Variants in COL3A1 observed in about 807,000 individuals in gnomAD.
COL3A1 encodes collagen type III alpha 1 chain, also known as collagen alpha-1(III) chain.
Under a neutral mutation model 200.9 loss-of-function variants are expected in COL3A1, and 46 were observed. The observed-to-expected ratio is 0.23, with a 90% confidence interval of 0.18 to 0.29. The LOEUF is 0.29. Among genes scored for constraint, COL3A1 ranks in the 10% least tolerant of loss-of-function variants. The pLI is 1.00. For missense variants in COL3A1, 1,367 were observed against 1,917.6 expected, an observed-to-expected ratio of 0.71 and a Z score of 5.36; for synonymous variants, 650 against 628.0, an observed-to-expected ratio of 1.03 and a Z score of -0.52.
intron 32 of COL3A1, among the ~76,000 whole-genome samples, 161 bp from the exon 33 acceptor site, chr2:189,001,236 T>C (rs1402347546): frequency 6.6e-6 from 1 of 152,162 alleles, no homozygotes; most frequent in Non-Finnish European, 1.5e-5. Flanking sequence ...CTCTGCAGTA[T>C]TTACACATTG....
chr2:188,981,953 G>A (rs937784201), intron 1 of COL3A1, among the ~76,000 whole-genome samples: 1 of 151,638 alleles, frequency 6.6e-6, no homozygotes, highest in African/African-American at 2.4e-5. Flanking sequence ...TACAGGAACT[G>A]ACTTCTCAGG....
In COL3A1 at chr2:188,998,557, A is replaced by G. The variant is rs187075569; in HGVS notation, c.1978-117A>G. 5.4e-4 allele frequency: 617 copies of G among 1,136,468 alleles called. 10 individuals carry two copies. In the Middle Eastern group the frequency reaches 6.6e-3, roughly 12 times the overall value. The allele number at this position is 1,136,468 out of a possible 1,614,324, so 70.4% of individuals were successfully genotyped here. A position where few individuals can be genotyped will look rare whatever the true frequency, so the allele number is the denominator to read the frequency against. ...ATTTGAAAAATTATACAGTATGCCA[A>G]CATGACAAATGTGTATTTTGCTTAT... On this transcript the variant is annotated intron_variant, in intron 28 of 50. Coordinates refer to ENST00000304636, the MANE Select transcript of COL3A1 (RefSeq NM_000090.4).
At chr2:188,996,103 A>G in intron 22 of COL3A1, 22 bp from the exon 23 acceptor site, 4 of 1,611,586 alleles carry the variant, frequency 2.5e-6, no homozygotes, top group South Asian at 1.1e-5. Flanking sequence ...AAATCACCTA[A>G]CAACTGACTT....
At chr2:189,008,198 A>G in intron 47 of COL3A1, 56 bp downstream of exon 47, 2 of 1,421,834 alleles carry the variant, frequency 1.4e-6, no homozygotes, top group Non-Finnish European at 9.8e-7. Context: ...TCCAATTTTC[A>G]GAAACACAGC....
intron 5 of COL3A1, 79 bp from the exon 6 acceptor site, chr2:188,988,002 G>A (rs931851166): frequency 6.7e-6 from 7 of 1,050,290 alleles, no homozygotes; most frequent in Admixed American, 5.1e-5. Flanking sequence ...TTAACAATGC[G>A]AGTGTCATTG....
At chr2:188,995,377 G>A (rs1688283176) in intron 21 of COL3A1, among the ~76,000 whole-genome samples, 2 of 152,228 alleles carry the variant, frequency 1.3e-5, no homozygotes, top group African/African-American at 4.8e-5. Flanking sequence ...TGCCTGAAAA[G>A]TCTTTGAAAA....
chr2:188,990,203 T>C, intron 9 of COL3A1, 54 bp downstream of exon 9: 1 of 1,594,724 alleles, frequency 6.3e-7, no homozygotes, highest in Non-Finnish European at 8.6e-7. Context: ...TTGAAAACTA[T>C]TATGTAATTC....
chr2:188,994,847 G>A lies in COL3A1; in HGVS notation c.1455+16G>A. 1 of 1,611,700 alleles carries A rather than the reference G, an allele frequency of 6.2e-7. No individual in the cohort carries two copies. Among genetic ancestry groups the A allele is most frequent in the Non-Finnish European group, 8.5e-7 (1 of 1,179,062 alleles). On this transcript the variant is annotated intron_variant, in intron 20 of 50. Transcript: ENST00000304636. The surrounding 1 kb of genome is among the most constrained non-coding windows in gnomAD (Gnocchi z 4.5). ...AGGAGAAAGGGTACGTTTTCCATGG[G>A]GCATCTAAAAGAAAAGCAGCATCAC...
chr2:188,994,820 G>C lies in COL3A1; in HGVS notation c.1444G>C (p.Ala482Pro), dbSNP rs374532173. ...TGGTGCAAATGGGCTTCCAGGAGCT[G>C]CAGGAGAAAGGGTACGTTTTCCATG... Reference protein sequence around the residue: ...EPGANGLPGAAGERGAPGFRG... With the variant: ...EPGANGLPGAPGERGAPGFRG... The change falls in exon 20 of 51, where the codon GCA becomes CCA. Residue 482 changes from alanine (A) to proline (P), a missense_variant. This residue lies in a region of COL3A1 where 462 missense variants were observed against 681.4 expected (regional missense o/e 0.68). Transcript: ENST00000304636. The surrounding 1 kb of genome is among the most constrained non-coding windows in gnomAD (Gnocchi z 4.5). 4 of 1,613,342 alleles carry C rather than the reference G, an allele frequency of 2.5e-6. No homozygotes were observed. The highest frequency in any genetic ancestry group is 2.7e-5 in the African/African-American group (2 of 74,802).
In COL3A1 at chr2:188,976,665, T is replaced by C. The variant is rs145422036; in HGVS notation, c.79+2097T>C. On this transcript the variant is annotated intron_variant, in intron 1 of 50. Coordinates refer to ENST00000304636, the MANE Select transcript of COL3A1 (RefSeq NM_000090.4). ...AACTTCAGAGACGGCACAGCTCTAA[T>C]GAACACTCACTTCTAGTTCACTCAC... is the stretch of plus-strand genomic sequence containing the variant. Among the ~76,000 whole-genome samples, 397 of 152,282 alleles carry C rather than the reference T, an allele frequency of 2.6e-3. 12 individuals are homozygous for C. In the East Asian group the frequency reaches 0.053, roughly 20 times the overall value.
rs1057521106 is a variant in COL3A1, at chr2:188,991,016, C to T, written c.811C>T (p.Arg271Ter). 3 of 1,612,846 alleles carry T rather than the reference C, an allele frequency of 1.9e-6. No homozygotes were observed. The highest frequency in any genetic ancestry group is 2.5e-6 in the Non-Finnish European group (3 of 1,179,324). Residue 271 changes from arginine (R) to a stop codon, truncating the protein, a stop_gained, in exon 11 of 51, where the codon CGA (arginine) becomes TGA (stop). Transcript: ENST00000304636. LOFTEE classifies it high-confidence loss of function. Reference sequence around the variant, plus strand: ...ATACATTTCCTAGGGCTTCGATGGACGAAATGGAGAAAAGGGTGAAACAGG... The same window carrying T: ...ATACATTTCCTAGGGCTTCGATGGATGAAATGGAGAAAAGGGTGAAACAGG... ...GMKGHRGFDGRNGEKGETGAP... is the reference protein window; with the variant it reads ...GMKGHRGFDG
intron 2 of COL3A1, 62 bp from the exon 3 acceptor site, chr2:188,985,135 G>A (rs1016857089): frequency 6.6e-7 from 1 of 1,520,188 alleles, no homozygotes; most frequent in African/African-American, 1.4e-5. Context: ...GTTAGAATCT[G>A]GGTTACTAAA....
At chr2:189,003,291 C>A in intron 36 of COL3A1, 120 bp from the exon 37 acceptor site, 2 of 863,594 alleles carry the variant, frequency 2.3e-6, no homozygotes, top group South Asian at 1.4e-5. Context: ...AATCTCAGCA[C>A]CAGCAATCTA....
chr2:188,996,133 C>G lies in COL3A1; in HGVS notation c.1617C>G (p.Pro539=), dbSNP rs141091206. 6.2e-7 allele frequency: 1 copy of G among 1,613,352 alleles called. No homozygotes were observed. The highest frequency in any genetic ancestry group is 2.2e-5 in the East Asian group (1 of 44,790). The change falls in exon 23 of 51, where the codon CCC becomes CCG. Residue 539 remains proline, a synonymous_variant. Coordinates refer to ENST00000304636, the MANE Select transcript of COL3A1 (RefSeq NM_000090.4). The part of the protein sequence containing the change: ...VPGGPGMRGM[P]GSPGGPGSDG... ...TGACTTCTTTACTTCAGGGCATGCC[C>G]GGAAGTCCAGGAGGACCAGGAAGTG...
chr2:188,991,901 A>G (rs1050193966), intron 13 of COL3A1, among the ~76,000 whole-genome samples, 179 bp downstream of exon 13: 1 of 152,166 alleles, frequency 6.6e-6, no homozygotes, highest in Non-Finnish European at 1.5e-5. Flanking sequence ...TTGTTTTACA[A>G]TTATTATCTC....
At chr2:189,008,273 A>T in intron 47 of COL3A1, 131 bp downstream of exon 47, 1 of 779,136 alleles carries the variant, frequency 1.3e-6, no homozygotes, top group South Asian at 1.5e-5. Flanking sequence ...CTGAACAATG[A>T]CTTTAAGACA....
At position 189,009,190 on chromosome 2, in the gene COL3A1, C is replaced by A. The variant is rs750043526; in HGVS notation, c.3792C>A (p.Asp1264Glu). 6.2e-7 allele frequency: 1 copy of A among 1,614,168 alleles called. No individual in the cohort carries two copies. Residue 1264 changes from aspartate to glutamate, a missense_variant, in exon 48 of 51, where the codon GAC becomes GAA. By Grantham distance (45) the Asp-to-Glu change is conservative. This residue lies in a region of COL3A1 where 846 missense variants were observed against 1,147.9 expected (regional missense o/e 0.74). Coordinates refer to ENST00000304636, the MANE Select transcript of COL3A1 (RefSeq NM_000090.4). The part of the protein sequence containing the change: ...SRKNPARNCR[D>E]LKFCHPELKS... ...AAAACCCCGCTAGAAACTGCAGAGA[C>A]CTGAAATTCTGCCATCCTGAACTCA...
At chr2:188,984,368 G>A (rs1172643065) in intron 1 of COL3A1, among the ~76,000 whole-genome samples, 1 of 151,976 alleles carries the variant, frequency 6.6e-6, no homozygotes, top group African/African-American at 2.4e-5. Context: ...CATCTCTTTA[G>A]TTTAATGCTC....
intron 24 of COL3A1, 85 bp from the exon 25 acceptor site, chr2:188,997,074 CATATAT>C: frequency 1.2e-6 from 1 of 835,286 alleles, no homozygotes; most frequent in Non-Finnish European, 2.0e-6. Flanking sequence ...ATATATGAGA[CATATAT>C]ATATGAGACA....
Sources: gnomAD v4.1 joint callset for allele counts (sites outside exome capture counted in the v4.1 genomes callset) on GRCh38, gnomAD v4.1.1 for gene constraint, gnomAD v4.1.1 regional missense constraint, Gnocchi (gnomAD v3.1) non-coding constraint, MANE v1.5 for transcripts, NCBI Gene and HGNC (gene_info 2026-07-23, HGNC 2026-07-21) for gene names.